Variants in PRKG1 observed in about 807,000 individuals in gnomAD.
The protein encoded by PRKG1 is protein kinase cGMP-dependent 1.
A neutral mutation model predicts 88.1 loss-of-function variants in PRKG1; 35 were observed. That is an observed-to-expected ratio of 0.40 (90% confidence interval 0.30 to 0.53). The LOEUF is 0.53. Among genes scored for constraint, PRKG1 ranks in the 20% least tolerant of loss-of-function variants. PRKG1 has a pLI of 0.59. For missense variants in PRKG1, 540 were observed against 839.8 expected (o/e 0.64, Z 4.41); for synonymous variants, 303 against 292.5 (o/e 1.04, Z -0.37).
At chr10:52,289,652 A>G (rs1024177819) in intron 16 of PRKG1, among the ~76,000 whole-genome samples, 2 of 151,784 alleles carry the variant, frequency 1.3e-5, no homozygotes, top group Admixed American at 1.3e-4. Flanking sequence ...GACAAAAGAA[A>G]ACAAACAAGC....
intron 14 of PRKG1, among the ~76,000 whole-genome samples, chr10:52,287,980 G>T (rs1479306508): frequency 6.6e-6 from 1 of 152,064 alleles, no homozygotes; most frequent in Admixed American, 6.6e-5. Context: ...TCACACAAAT[G>T]AAAAGATAAT....
chr10:51,660,908 T>C (rs1840282177), intron 3 of PRKG1, among the ~76,000 whole-genome samples: 1 of 152,154 alleles, frequency 6.6e-6, no homozygotes, highest in Non-Finnish European at 1.5e-5. Context: ...TTATTCACTT[T>C]TGCTGTTAAT....
At chr10:51,603,312 A>T (rs1283021987) in intron 3 of PRKG1, among the ~76,000 whole-genome samples, 1 of 152,066 alleles carries the variant, frequency 6.6e-6, no homozygotes, top group African/African-American at 2.4e-5. Context: ...AATTTTGGAG[A>T]TGGCCGGGAC....
At chr10:51,110,930 A>G (rs952304820) in intron 1 of PRKG1, among the ~76,000 whole-genome samples, 42 of 152,154 alleles carry the variant, frequency 2.8e-4, no homozygotes, top group Non-Finnish European at 5.4e-4. Context: ...ATTTATCTCC[A>G]TAGTCAACCC....
At chr10:51,382,660 CTATT>C (rs1159640761) in intron 2 of PRKG1, among the ~76,000 whole-genome samples, 1 of 152,092 alleles carries the variant, frequency 6.6e-6, no homozygotes, top group Non-Finnish European at 1.5e-5. Flanking sequence ...GTCAAAGTGC[CTATT>C]TAAAGTGCCT....
intron 5 of PRKG1, among the ~76,000 whole-genome samples, chr10:51,976,923 T>C (rs1419648810): frequency 2.0e-5 from 3 of 152,146 alleles, no homozygotes; most frequent in East Asian, 3.9e-4. Context: ...ATTTTTTCCA[T>C]ATATATTGAA....
At chr10:51,602,758 GTGTGTGTGTGTGTGTGTGTGTGTATA>G (rs1179668343) in intron 3 of PRKG1, among the ~76,000 whole-genome samples, 1 of 132,076 alleles carries the variant, frequency 7.6e-6, no homozygotes, top group African/African-American at 3.6e-5. Context: ...GTGTGTGTGT[GTGTGTGTGTGTGTGTGTGTGTGTATA>G]TATTCATATA....
intron 3 of PRKG1, among the ~76,000 whole-genome samples, chr10:51,674,949 A>G (rs1319302334): frequency 1.3e-5 from 2 of 152,170 alleles, no homozygotes; most frequent in Admixed American, 6.5e-5. Context: ...AAGAAGCAGG[A>G]TTTTAACTAC....
At chr10:51,526,659 T>A (rs999735496) in intron 3 of PRKG1, among the ~76,000 whole-genome samples, 5 of 152,332 alleles carry the variant, frequency 3.3e-5, no homozygotes, top group African/African-American at 7.2e-5. Flanking sequence ...AAAACTTTTT[T>A]AAAAATCTCA....
intron 2 of PRKG1, among the ~76,000 whole-genome samples, chr10:51,328,123 G>A (rs138052428): frequency 2.6e-5 from 4 of 152,088 alleles, no homozygotes; most frequent in Non-Finnish European, 4.4e-5. Context: ...CTTCTCAACC[G>A]CTTCCAAAAT....
chr10:52,135,928 A>T (rs544697001), intron 8 of PRKG1, among the ~76,000 whole-genome samples: 1 of 152,202 alleles, frequency 6.6e-6, no homozygotes, highest in South Asian at 2.1e-4. Flanking sequence ...AAATCCTTTC[A>T]TTTAAGCATT....
At chr10:51,950,922 C>T (rs1031732568) in intron 5 of PRKG1, among the ~76,000 whole-genome samples, 2 of 152,208 alleles carry the variant, frequency 1.3e-5, no homozygotes, top group Non-Finnish European at 2.9e-5. Context: ...CTGCAGAGAG[C>T]GGACGTGGGG....
At chr10:52,048,587 T>C (rs930032433) in intron 5 of PRKG1, among the ~76,000 whole-genome samples, 5 of 152,128 alleles carry the variant, frequency 3.3e-5, no homozygotes, top group African/African-American at 1.2e-4. Flanking sequence ...AATAAATATG[T>C]GTAGAATTTT....
intron 5 of PRKG1, among the ~76,000 whole-genome samples, chr10:52,043,802 A>ACAAATGT (rs1845802404): frequency 1.3e-5 from 2 of 151,868 alleles, no homozygotes; most frequent in African/African-American, 4.8e-5. Flanking sequence ...TTACTTCATA[A>ACAAATGT]ATATGTACAA....
At chr10:51,172,490 T>C (rs143280374) in intron 2 of PRKG1, among the ~76,000 whole-genome samples, 1 of 152,174 alleles carries the variant, frequency 6.6e-6, no homozygotes, top group East Asian at 1.9e-4. Flanking sequence ...CTTGGATTTG[T>C]GCTATCAATA....
intron 3 of PRKG1, among the ~76,000 whole-genome samples, chr10:51,520,601 G>A (rs1220685135): frequency 6.6e-6 from 1 of 151,872 alleles, no homozygotes; most frequent in African/African-American, 2.4e-5. Flanking sequence ...TAAAACCCAA[G>A]CAAAACTCCC....
intron 5 of PRKG1, among the ~76,000 whole-genome samples, chr10:51,922,099 C>T (rs1842474738): frequency 6.6e-6 from 1 of 151,762 alleles, no homozygotes; most frequent in Non-Finnish European, 1.5e-5. Context: ...AGATAAAGGA[C>T]TACTTAGATT....
chr10:52,279,577 CT>C lies in PRKG1; in HGVS notation c.1404-1210del, dbSNP rs529379258. Among the ~76,000 whole-genome samples the C allele has an allele frequency of 5.5e-4, 84 of 152,132 alleles. No individual in the cohort carries two copies. In the South Asian group the frequency reaches 6.6e-3, roughly 12 times the overall value. On this transcript the variant is annotated intron_variant, in intron 12 of 17. Coordinates refer to ENST00000373980, the MANE Select transcript of PRKG1 (RefSeq NM_006258.4). Reference sequence around the variant, plus strand: ...AAGCCTGAAAAGTGGCTGCTTTAGCCTTGATTCACTTATGAATTTTGTAAAA... The same window carrying C: ...AAGCCTGAAAAGTGGCTGCTTTAGCCTGATTCACTTATGAATTTTGTAAAA...
intron 3 of PRKG1, among the ~76,000 whole-genome samples, chr10:51,594,474 T>C (rs933353117): frequency 6.6e-6 from 1 of 152,236 alleles, no homozygotes; most frequent in African/African-American, 2.4e-5. Flanking sequence ...CAATATGTTG[T>C]CTCATATTAC....
Sources: allele counts gnomAD v4.1 joint callset (sites outside exome capture counted in the v4.1 genomes callset), GRCh38; gene constraint gnomAD v4.1.1; transcripts MANE v1.5; gene names NCBI Gene and HGNC (gene_info 2026-07-23, HGNC 2026-07-21).